AGMO: variants seen among roughly 807,000 people sequenced by gnomAD.
AGMO encodes the protein glyceryl-ether monooxygenase.
AGMO carries 75 observed loss-of-function variants against 60.2 expected under a neutral mutation model. The ratio of observed to expected loss-of-function variants is 1.25; its 90% CI spans 1.03 to 1.51. The LOEUF is 1.51. AGMO is among the 40% of genes most tolerant of loss of function. The pLI, the probability that AGMO is intolerant of heterozygous loss-of-function variation, is 0.00. For synonymous variants in AGMO, 261 were observed against 177.1 expected (o/e 1.47, Z -3.76); for missense variants, 763 against 525.5 (o/e 1.45, Z -4.42).
chr7:15,336,969 A>T (rs1385736837), intron 12 of AGMO, among the ~76,000 whole-genome samples: 4 of 152,156 alleles, frequency 2.6e-5, no homozygotes, highest in Admixed American at 6.6e-5. Flanking sequence ...CATGTGTGAG[A>T]TTGTCAAACA....
intron 12 of AGMO, among the ~76,000 whole-genome samples, chr7:15,252,299 G>C (rs989136714): frequency 6.6e-6 from 1 of 152,186 alleles, no homozygotes; most frequent in Non-Finnish European, 1.5e-5. Flanking sequence ...AAAATTCTAA[G>C]ATCGGCTCCA....
chr7:15,299,753 G>A (rs1349564267), intron 12 of AGMO, among the ~76,000 whole-genome samples: 2 of 151,596 alleles, frequency 1.3e-5, no homozygotes, highest in East Asian at 2.0e-4. Flanking sequence ...GCTCGAACCC[G>A]GGAGGTGGAG....
chr7:15,443,304 C>T (rs1040380743), intron 3 of AGMO, among the ~76,000 whole-genome samples: 28 of 152,196 alleles, frequency 1.8e-4, no homozygotes, highest in African/African-American at 6.3e-4. Context: ...CCCCTAGATG[C>T]TGTCGTGGGG....
intron 12 of AGMO, among the ~76,000 whole-genome samples, chr7:15,295,673 T>G (rs2128523816): frequency 6.6e-6 from 1 of 152,252 alleles, no homozygotes; most frequent in African/African-American, 2.4e-5. Context: ...CATGAAAATG[T>G]ATAATGCTAT....
In AGMO at chr7:15,544,837, C is replaced by T. The variant is rs1475688264; in HGVS notation, c.344G>A (p.Trp115Ter). 1 of 1,610,244 alleles carries T rather than the reference C, an allele frequency of 6.2e-7. No homozygotes were observed. Among genetic ancestry groups the T allele is most frequent in the Non-Finnish European group, 8.5e-7 (1 of 1,178,016 alleles). The change falls in exon 3 of 13, where the codon TGG (tryptophan) becomes TAG (stop). Residue 115 changes from tryptophan to a stop codon, truncating the protein, a stop_gained. Coordinates refer to ENST00000342526, the MANE Select transcript of AGMO (RefSeq NM_001004320.2). LOFTEE classifies it high-confidence loss of function. ...RLFNLPWDSP[W>*]TWYSAFLGVD... ...TCCTAAGAAGGCTGAATACCAAGTC[C>T]ATGGAGAATCCCAAGGCAAATTGAA...
At chr7:15,500,367 T>C (rs528473852) in intron 3 of AGMO, among the ~76,000 whole-genome samples, 4 of 151,946 alleles carry the variant, frequency 2.6e-5, no homozygotes, top group East Asian at 1.9e-4. Context: ...AGATAAGTAA[T>C]GGTATTAATG....
chr7:15,240,923 G>A (rs1253313883), intron 12 of AGMO, among the ~76,000 whole-genome samples: 1 of 152,104 alleles, frequency 6.6e-6, no homozygotes, highest in Non-Finnish European at 1.5e-5. Flanking sequence ...TAGGCTACAG[G>A]AATTGTAAAT....
chr7:15,198,237 GA>G (rs1563030433), downstream of AGMO, among the ~76,000 whole-genome samples: 1 of 112,712 alleles, frequency 8.9e-6, no homozygotes, highest in African/African-American at 4.8e-5. Flanking sequence ...GAGAGAGAGA[GA>G]GAGAGAGAGA....
chr7:15,239,203 C>G (rs1298335364), intron 12 of AGMO, among the ~76,000 whole-genome samples: 1 of 152,026 alleles, frequency 6.6e-6, no homozygotes, highest in Non-Finnish European at 1.5e-5. Flanking sequence ...GAAAATATCA[C>G]AATGAGAGGT....
intron 10 of AGMO, among the ~76,000 whole-genome samples, chr7:15,371,837 C>G (rs1469164503): frequency 6.6e-6 from 1 of 152,036 alleles, no homozygotes; most frequent in Non-Finnish European, 1.5e-5. Flanking sequence ...CACACCTCAT[C>G]TAATACCAAT....
the AGMO span, among the ~76,000 whole-genome samples, chr7:15,141,887 G>C: frequency 0.88 from 134,606 of 152,234 alleles, 60,128 homozygotes; most frequent in East Asian, 0.99. Flanking sequence ...CACTCTGCCA[G>C]GTAACACAGC....
intron 4 of AGMO, among the ~76,000 whole-genome samples, chr7:15,430,204 G>C (rs1486029414): frequency 6.6e-6 from 1 of 151,802 alleles, no homozygotes; most frequent in Non-Finnish European, 1.5e-5. Context: ...AAAGTATTTT[G>C]AACCACGGAA....
intron 12 of AGMO, 49 bp downstream of exon 12, chr7:15,365,465 T>A: frequency 8.5e-7 from 1 of 1,173,888 alleles, no homozygotes; most frequent in Non-Finnish European, 1.2e-6. Context: ...ATAAATTAAA[T>A]GTGCGATAGG....
intron 12 of AGMO, among the ~76,000 whole-genome samples, chr7:15,326,535 C>G (rs1781344462): frequency 6.6e-6 from 1 of 152,160 alleles, no homozygotes; most frequent in African/African-American, 2.4e-5. Flanking sequence ...TACTAATGCT[C>G]TTAAGGTTAT....
chr7:15,145,251 CCTA>C, the AGMO span, among the ~76,000 whole-genome samples: 1 of 152,130 alleles, frequency 6.6e-6, no homozygotes, highest in Admixed American at 6.5e-5. Context: ...CAACTTGCTT[CCTA>C]CTAATAGTAT....
chr7:15,366,726 C>T (rs1562462113), intron 10 of AGMO, among the ~76,000 whole-genome samples: 1 of 151,960 alleles, frequency 6.6e-6, no homozygotes, highest in Non-Finnish European at 1.5e-5. Flanking sequence ...AATCTACATG[C>T]TCATATATAC....
At chr7:15,397,626 CTCTCTT>C (rs1385584215) in intron 5 of AGMO, among the ~76,000 whole-genome samples, 6 of 152,242 alleles carry the variant, frequency 3.9e-5, no homozygotes, top group Admixed American at 2.6e-4. Flanking sequence ...CCACCTCTCC[CTCTCTT>C]TCTCTTTCTT....
chr7:15,390,958 G>T, intron 6 of AGMO, 53 bp from the exon 7 acceptor site: 1 of 1,096,722 alleles, frequency 9.1e-7, no homozygotes, highest in Non-Finnish European at 1.3e-6. Flanking sequence ...TATGCTTTTT[G>T]AGATACTTCC....
intron 12 of AGMO, among the ~76,000 whole-genome samples, chr7:15,228,390 T>C (rs150595285): frequency 3.9e-5 from 6 of 152,156 alleles, no homozygotes; most frequent in African/African-American, 1.2e-4. Context: ...TTGCTAGCTA[T>C]AGAGCTTAAA....
Sources: gnomAD v4.1 joint callset for allele counts (sites outside exome capture counted in the v4.1 genomes callset) on GRCh38, gnomAD v4.1.1 for gene constraint, MANE v1.5 for transcripts, NCBI Gene and HGNC (gene_info 2026-07-23, HGNC 2026-07-21) for gene names.